The following MLIP variants were observed in gnomAD, a reference collection of about 807,000 sequenced individuals.
The protein encoded by MLIP is muscular LMNA-interacting protein.
Under a neutral mutation model 84.8 loss-of-function variants are expected in MLIP, and 79 were observed. The observed-to-expected ratio is 0.93, with a 90% CI of 0.78 to 1.12. The LOEUF is 1.12. Ranked by LOEUF, MLIP falls within the 50% of genes most tolerant of loss-of-function variation. MLIP has a pLI of 0.00. For missense variants in MLIP, 1,257 were observed against 1,160.6 expected, an observed-to-expected ratio of 1.08 and a Z score of -1.21; for synonymous variants, 504 against 463.0, an observed-to-expected ratio of 1.09 and a Z score of -1.14.
rs1461967556 is a variant in MLIP, at chr6:54,138,001, C to T, written c.1932C>T (p.Leu644=). 6.5e-7 allele frequency: 1 copy of T among 1,536,136 alleles called. No individual in the cohort carries two copies. The highest frequency in any genetic ancestry group is 2.0e-5 in the Admixed American group (1 of 51,000). ...QELNPSALPS[L]PVSSADFASL... is the part of the protein sequence containing the mutation. ...TGAATCCTTCAGCTCTTCCTTCACT[C>T]CCTGTCTCCAGTGCTGACTTTGCCT... Residue 644 remains leucine (L), a synonymous_variant, in exon 4 of 14, where the codon CTC becomes CTT. Transcript: ENST00000502396.
At chr6:54,120,663 C>T (rs1266724845) in intron 1 of MLIP, among the ~76,000 whole-genome samples, 2 of 152,200 alleles carry the variant, frequency 1.3e-5, no homozygotes, top group Non-Finnish European at 2.9e-5. Context: ...CTGCTACTTT[C>T]CATGCTTTCA....
At chr6:54,155,018 C>T (rs554449890) in intron 5 of MLIP, among the ~76,000 whole-genome samples, 1 of 152,204 alleles carries the variant, frequency 6.6e-6, no homozygotes, top group East Asian at 1.9e-4. Context: ...CAAAAACTCC[C>T]TTCTCTGTGG....
chr6:54,252,034 A>AGC (rs1185809520), intron 12 of MLIP, among the ~76,000 whole-genome samples: 2 of 92,484 alleles, frequency 2.2e-5, no homozygotes, highest in African/African-American at 9.5e-5. Flanking sequence ...TATATATTAT[A>AGC]ACATATAATA....
chr6:54,122,980 A>G (rs1274232690), intron 2 of MLIP, among the ~76,000 whole-genome samples: 8 of 150,786 alleles, frequency 5.3e-5, no homozygotes, highest in Non-Finnish European at 1.0e-4. Flanking sequence ...CGCCCAGGCT[A>G]GAGTGCAGTG....
At chr6:54,048,743 A>G (rs1765214464) in intron 1 of MLIP, among the ~76,000 whole-genome samples, 1 of 152,170 alleles carries the variant, frequency 6.6e-6, no homozygotes, top group African/African-American at 2.4e-5. Flanking sequence ...TGTTTGAAGT[A>G]TCTGTGGGTA....
At chr6:54,210,604 A>G (rs1306024998) in intron 11 of MLIP, among the ~76,000 whole-genome samples, 6 of 151,428 alleles carry the variant, frequency 4.0e-5, no homozygotes. Flanking sequence ...CAACAGCACC[A>G]TGTTAGAAAT....
intron 10 of MLIP, among the ~76,000 whole-genome samples, chr6:54,196,165 G>A (rs73741461): frequency 0.016 from 2,383 of 152,170 alleles, 64 homozygotes; most frequent in African/African-American, 0.052. Context: ...ACCTCAAGGA[G>A]TCAATCAGCA....
chr6:54,157,034 GAGAGTTA>G (rs1264321262), intron 5 of MLIP, among the ~76,000 whole-genome samples: 1 of 152,016 alleles, frequency 6.6e-6, no homozygotes, highest in Non-Finnish European at 1.5e-5. Context: ...TGGATCTAGG[GAGAGTTA>G]ATCACATGTA....
intron 9 of MLIP, among the ~76,000 whole-genome samples, chr6:54,177,879 A>T (rs1330044888): frequency 6.6e-6 from 1 of 152,168 alleles, no homozygotes; most frequent in Non-Finnish European, 1.5e-5. Flanking sequence ...AAGGAAAAAG[A>T]TCATGTCTTT....
At chr6:54,101,367 T>C (rs1428413773) in intron 1 of MLIP, among the ~76,000 whole-genome samples, 2 of 152,158 alleles carry the variant, frequency 1.3e-5, no homozygotes, top group Non-Finnish European at 2.9e-5. Flanking sequence ...TGAATATTTA[T>C]TGGGTACCTA....
intron 11 of MLIP, chr6:54,216,542 C>A (rs555349691): frequency 5.1e-6 from 5 of 984,966 alleles, no homozygotes; most frequent in South Asian, 9.4e-5. Context: ...GTCAGACAAC[C>A]ATACACTTTA....
chr6:54,074,691 A>G (rs1300579076), intron 1 of MLIP, among the ~76,000 whole-genome samples: 3 of 152,178 alleles, frequency 2.0e-5, no homozygotes, highest in Non-Finnish European at 4.4e-5. Context: ...GAGGCCAACC[A>G]CGGGGACACC....
intron 1 of MLIP, among the ~76,000 whole-genome samples, chr6:54,029,638 T>C (rs1228777466): frequency 6.6e-6 from 1 of 152,176 alleles, no homozygotes; most frequent in Non-Finnish European, 1.5e-5. Context: ...CAACTTTTTT[T>C]TTCTGTTCAG....
At chr6:54,123,827 C>T (rs1364718616) in intron 2 of MLIP, among the ~76,000 whole-genome samples, 1 of 152,116 alleles carries the variant, frequency 6.6e-6, no homozygotes, top group African/African-American at 2.4e-5. Flanking sequence ...CTATCTTGAT[C>T]CTGGTCTTGT....
chr6:54,110,459 A>C (rs185564031), upstream of MLIP, among the ~76,000 whole-genome samples: 323 of 152,242 alleles, frequency 2.1e-3, no homozygotes, highest in Non-Finnish European at 3.3e-3. Context: ...ATAACACGGC[A>C]CTTATATTCA....
chr6:54,055,036 C>A (rs367920305), intron 1 of MLIP, among the ~76,000 whole-genome samples: 3 of 152,004 alleles, frequency 2.0e-5, no homozygotes, highest in African/African-American at 7.2e-5. Flanking sequence ...TACAGGCGCC[C>A]GCCACCACGC....
At chr6:54,145,463 G>T (rs1772707569) in intron 4 of MLIP, among the ~76,000 whole-genome samples, 1 of 151,984 alleles carries the variant, frequency 6.6e-6, no homozygotes, top group African/African-American at 2.4e-5. Flanking sequence ...TGCATGTCAT[G>T]TAGTAGGTAC....
intron 1 of MLIP, among the ~76,000 whole-genome samples, chr6:54,041,597 A>C (rs551442629): frequency 6.6e-6 from 1 of 152,196 alleles, no homozygotes; most frequent in Admixed American, 6.6e-5. Context: ...TGATATTTTC[A>C]ATATTTTTTA....
chr6:54,229,892 C>G (rs1218293206), intron 11 of MLIP, among the ~76,000 whole-genome samples: 3 of 152,070 alleles, frequency 2.0e-5, no homozygotes, highest in Non-Finnish European at 4.4e-5. Flanking sequence ...TTGTAGAAGA[C>G]ATATACCTGT....
Sources: gnomAD v4.1 joint callset for allele counts (sites outside exome capture counted in the v4.1 genomes callset) on GRCh38, gnomAD v4.1.1 for gene constraint, MANE v1.5 for transcripts, NCBI Gene and HGNC (gene_info 2026-07-23, HGNC 2026-07-21) for gene names.